The following RGS9 variants were observed in gnomAD, a reference collection of about 807,000 sequenced individuals.
RGS9 encodes the protein regulator of G protein signaling 9, also known as regulator of G-protein signalling 9.
RGS9 carries 78 observed loss-of-function variants against 102.0 expected under a neutral mutation model. That is an observed-to-expected ratio of 0.76 (90% CI 0.64 to 0.92). The LOEUF (loss-of-function observed/expected upper bound fraction) is 0.92, where lower values mean the gene tolerates loss of function less well. RGS9 is among the 40% of genes least tolerant of loss of function. The pLI is 0.00. For synonymous variants in RGS9, 353 were observed against 318.6 expected, an observed-to-expected ratio of 1.11 and a Z score of -1.15; for missense variants, 833 against 866.1, an observed-to-expected ratio of 0.96 and a Z score of 0.48.
chr17:65,186,623 C>T (rs967877092), intron 9 of RGS9, among the ~76,000 whole-genome samples: 5 of 152,168 alleles, frequency 3.3e-5, no homozygotes, highest in Non-Finnish European at 7.3e-5. Flanking sequence ...ACAGGATCAG[C>T]GATTTTGTGT....
intron 8 of RGS9, among the ~76,000 whole-genome samples, chr17:65,170,218 C>A (rs560241400): frequency 1.5e-4 from 23 of 152,156 alleles, no homozygotes; most frequent in South Asian, 1.0e-3. Flanking sequence ...CCATGTCCGG[C>A]TAATTTTGGC....
In RGS9 at chr17:65,202,444, T is replaced by TGTGTGTGA. The variant is rs3838367; in HGVS notation, c.1064+365_1064+366insTGTGTGAG. The stretch of plus-strand genomic sequence containing the variant: ...GTGTGTGTGTGTGTGTGTGTGTGTG[T>TGTGTGTGA]GAGAGAGAGAGAGAGAGAGAGAGTG... On this transcript the variant is annotated intron_variant, in intron 14 of 18. Coordinates refer to ENST00000262406, the MANE Select transcript of RGS9 (RefSeq NM_003835.4). 2.1e-3 allele frequency among the ~76,000 whole-genome samples: 277 copies of TGTGTGTGA among 131,782 alleles called. 2 individuals carry two copies. Among genetic ancestry groups the TGTGTGTGA allele is most frequent in the African/African-American group, 7.0e-3 (228 of 32,546 alleles). 86.5% of individuals were successfully genotyped at this position (131,782 alleles called of 152,430 possible). A position where few individuals can be genotyped will look rare whatever the true frequency, so the allele number is the denominator to read the frequency against.
At chr17:65,200,281 C>T (rs1054810983) in intron 13 of RGS9, among the ~76,000 whole-genome samples, 1 of 152,174 alleles carries the variant, frequency 6.6e-6, no homozygotes. Flanking sequence ...CCGCCCCCCT[C>T]AGCCTCCCAA....
At chr17:65,176,743 CCATCCATCCACCCAT>C (rs1911640779) in intron 8 of RGS9, among the ~76,000 whole-genome samples, 5 of 148,468 alleles carry the variant, frequency 3.4e-5, no homozygotes, top group African/African-American at 1.3e-4. Flanking sequence ...ATCCATCCAT[CCATCCATCCACCCAT>C]CCACCCATCC....
At chr17:65,202,839 C>A (rs1226970315) in intron 14 of RGS9, among the ~76,000 whole-genome samples, 1 of 152,214 alleles carries the variant, frequency 6.6e-6, no homozygotes, top group Non-Finnish European at 1.5e-5. Context: ...CCCCTACAGG[C>A]CTGGTGGGTG....
At chr17:65,204,687 G>T (rs139930990) in intron 15 of RGS9, among the ~76,000 whole-genome samples, 2 of 152,150 alleles carry the variant, frequency 1.3e-5, no homozygotes, top group Non-Finnish European at 2.9e-5. Flanking sequence ...GCATCCTTAC[G>T]GGCCCCACTC....
chr17:65,225,035 A>T lies in RGS9; in HGVS notation c.1441A>T (p.Thr481Ser), dbSNP rs769316747. Residue 481 changes from threonine (T) to serine (S), a missense_variant, in exon 18 of 19, where the codon ACC (threonine) becomes TCC (serine). Thr to Ser is a moderately conservative substitution (Grantham distance 58). Transcript: ENST00000262406. ...GCACATGGCTCCCAGCCCCCATCTG[A>T]CCGTGTACACCGGGACCTGCATGCC... ...GQHMAPSPHL[T>S]VYTGTCMPPS... is the part of the protein sequence containing the mutation. 16 of 1,613,278 alleles carry T rather than the reference A, an allele frequency of 9.9e-6. No homozygotes were observed. The East Asian group carries it at 3.6e-4, about 36-fold the overall frequency.
intron 17 of RGS9, among the ~76,000 whole-genome samples, chr17:65,224,753 C>A (rs1697616495): frequency 6.6e-6 from 1 of 152,190 alleles, no homozygotes. Flanking sequence ...TCCCGGGATA[C>A]AACTGCTTAG....
chr17:65,212,916 C>T (rs1273639567), intron 17 of RGS9, among the ~76,000 whole-genome samples: 2 of 152,162 alleles, frequency 1.3e-5, no homozygotes, highest in Non-Finnish European at 2.9e-5. Flanking sequence ...AGCCTGATTC[C>T]TGACACCCAG....
At chr17:65,226,128 C>T (rs773129177) in intron 18 of RGS9, among the ~76,000 whole-genome samples, 2 of 152,244 alleles carry the variant, frequency 1.3e-5, no homozygotes, top group Non-Finnish European at 2.9e-5. Flanking sequence ...TTCCCTGAGA[C>T]AGGCCAGAGG....
chr17:65,184,054 AAAG>A (rs1289322810), intron 9 of RGS9, among the ~76,000 whole-genome samples: 1 of 152,226 alleles, frequency 6.6e-6, no homozygotes, highest in Non-Finnish European at 1.5e-5. Context: ...GATGAGGCAT[AAAG>A]AAGTGGCTTC....
intron 14 of RGS9, 53 bp downstream of exon 14, chr17:65,202,133 C>G: frequency 3.2e-6 from 4 of 1,237,752 alleles, no homozygotes; most frequent in Non-Finnish European, 4.8e-6. Context: ...CTGAGGACCA[C>G]CCCATTGTGC....
At chr17:65,153,092 T>C (rs1400236250) in intron 1 of RGS9, among the ~76,000 whole-genome samples, 1 of 152,222 alleles carries the variant, frequency 6.6e-6, no homozygotes, top group Non-Finnish European at 1.5e-5. Flanking sequence ...CTGTCATCCT[T>C]CCATGCCTTT....
intron 1 of RGS9, among the ~76,000 whole-genome samples, chr17:65,146,169 C>G (rs1475251867): frequency 6.6e-6 from 1 of 152,178 alleles, no homozygotes; most frequent in Non-Finnish European, 1.5e-5. Context: ...GATTATATGT[C>G]TTCTCCAATA....
chr17:65,195,953 A>T (rs1331895142), intron 12 of RGS9, among the ~76,000 whole-genome samples: 2 of 152,242 alleles, frequency 1.3e-5, no homozygotes, highest in African/African-American at 4.8e-5. Flanking sequence ...CTACTGAATC[A>T]GAAACTCTGA....
intron 9 of RGS9, among the ~76,000 whole-genome samples, chr17:65,181,990 AT>A (rs762328425): frequency 1.9e-4 from 29 of 152,030 alleles, no homozygotes; most frequent in Non-Finnish European, 3.4e-4. Flanking sequence ...TACCTAGCCA[AT>A]TTCCTCTTCT....
At chr17:65,175,153 G>A (rs1911577807) in intron 8 of RGS9, among the ~76,000 whole-genome samples, 1 of 151,950 alleles carries the variant, frequency 6.6e-6, no homozygotes, top group South Asian at 2.1e-4. Flanking sequence ...ATGTACATGT[G>A]GGAGTATGTG....
At chr17:65,226,305 G>T (rs8077510) in intron 18 of RGS9, among the ~76,000 whole-genome samples, 11,092 of 152,230 alleles carry the variant, frequency 0.073, 1,367 homozygotes, top group African/African-American at 0.25. Flanking sequence ...CCTCGTCTGG[G>T]CTTGGAGAAG....
intron 5 of RGS9, 50 bp from the exon 6 acceptor site, chr17:65,160,801 A>G: frequency 6.3e-7 from 1 of 1,584,976 alleles, no homozygotes. Flanking sequence ...GAGGCTGCAG[A>G]TGGGGTTTTG....
Sources: gnomAD v4.1 joint callset for allele counts (sites outside exome capture counted in the v4.1 genomes callset) on GRCh38, gnomAD v4.1.1 for gene constraint, MANE v1.5 for transcripts, NCBI Gene and HGNC (gene_info 2026-07-23, HGNC 2026-07-21) for gene names.